EDA: variants seen among roughly 807,000 people sequenced by gnomAD.
EDA encodes ectodysplasin A.
EDA carries 2 observed loss-of-function variants against 23.6 expected under a neutral mutation model. The ratio of observed to expected loss-of-function variants is 0.08; its 90% CI spans 0.03 to 0.27. The LOEUF (loss-of-function observed/expected upper bound fraction) is 0.27, where lower values mean the gene tolerates loss of function less well. Ranked by LOEUF, EDA falls within the 10% of genes least tolerant of loss-of-function variation. The probability of loss-of-function intolerance (pLI) is 1.00; values close to 1 mark genes in which losing one functional copy is unlikely to be tolerated. For synonymous variants in EDA, 131 were observed against 132.0 expected (o/e 0.99, Z 0.05); for missense variants, 229 against 324.2 (o/e 0.71, Z 2.26).
intron 1 of EDA, among the ~76,000 whole-genome samples, chrX:69,815,681 C>G (rs748999018): frequency 2.7e-5 from 3 of 112,449 alleles, no homozygotes; most frequent in Non-Finnish European, 5.6e-5. Context: ...AATCTCTGAT[C>G]TCTCCCTGGG....
chrX:69,679,410 C>T (rs747282917), intron 1 of EDA, among the ~76,000 whole-genome samples: 1 of 111,141 alleles, frequency 9.0e-6, no homozygotes, highest in Admixed American at 9.5e-5. Context: ...CGAGTTCCTC[C>T]TCGTACCTCT....
intron 1 of EDA, among the ~76,000 whole-genome samples, chrX:69,769,948 A>G (rs2014579851): frequency 1.8e-5 from 2 of 111,423 alleles, no homozygotes; most frequent in East Asian, 5.6e-4. Context: ...CATAGCAATC[A>G]CTAATCTGTT....
At chrX:69,944,558 A>T (rs934669003) in intron 1 of EDA, among the ~76,000 whole-genome samples, 1 of 111,705 alleles carries the variant, frequency 9.0e-6, no homozygotes, top group African/African-American at 3.3e-5. Context: ...TGCAAGACAA[A>T]GTCCTCTTTA....
At chrX:69,638,665 A>G (rs1231294861) in intron 1 of EDA, among the ~76,000 whole-genome samples, 3 of 111,932 alleles carry the variant, frequency 2.7e-5, no homozygotes, top group Non-Finnish European at 5.6e-5. Context: ...GGTTAGTCTG[A>G]GCAGTAATTT....
chrX:69,716,167 C>T (rs1569306373), intron 1 of EDA, among the ~76,000 whole-genome samples: 1 of 111,640 alleles, frequency 9.0e-6, no homozygotes, highest in African/African-American at 3.3e-5. Context: ...AGTGGTATTG[C>T]CTAGATTTTC....
At chrX:69,700,913 TG>T (rs2011516965) in intron 1 of EDA, among the ~76,000 whole-genome samples, 1 of 110,161 alleles carries the variant, frequency 9.1e-6, no homozygotes. Context: ...TTTGAAAGGA[TG>T]TCTCTGCCTA....
chrX:70,005,241 A>G (rs890498459), intron 2 of EDA, among the ~76,000 whole-genome samples: 1 of 112,391 alleles, frequency 8.9e-6, no homozygotes, highest in Non-Finnish European at 1.9e-5. Context: ...TGATAGAATT[A>G]TGCCCATTTT....
At chrX:70,001,372 A>G (rs2019738104) in intron 2 of EDA, among the ~76,000 whole-genome samples, 1 of 97,274 alleles carries the variant, frequency 1.0e-5, no homozygotes, top group African/African-American at 4.3e-5. Context: ...GTGGTTCTCA[A>G]TGTAATCGCT....
intron 1 of EDA, among the ~76,000 whole-genome samples, chrX:69,741,521 A>T (rs1009716937): frequency 1.8e-5 from 2 of 111,478 alleles, no homozygotes; most frequent in African/African-American, 6.5e-5. Context: ...GCTCTATTTG[A>T]TGGTTTCTTT....
At chrX:69,651,310 T>C (rs1933096100) in intron 1 of EDA, among the ~76,000 whole-genome samples, 1 of 111,692 alleles carries the variant, frequency 9.0e-6, no homozygotes, top group Non-Finnish European at 1.9e-5. Flanking sequence ...AATCAAGAAG[T>C]GAAACTAGAA....
At chrX:69,790,271 T>A (rs193112592) in intron 1 of EDA, among the ~76,000 whole-genome samples, 1 of 110,905 alleles carries the variant, frequency 9.0e-6, no homozygotes, top group Admixed American at 9.6e-5. Flanking sequence ...ACGTGCAGGT[T>A]TGTTACATAT....
intron 1 of EDA, among the ~76,000 whole-genome samples, chrX:69,833,697 A>G (rs903647385): frequency 9.0e-6 from 1 of 111,009 alleles, no homozygotes; most frequent in South Asian, 3.9e-4. Flanking sequence ...TTGGTAGGCT[A>G]TTAATTATTG....
At chrX:69,808,093 AACCAAATTGTAC>A (rs1391019965) in intron 1 of EDA, among the ~76,000 whole-genome samples, 1 of 111,796 alleles carries the variant, frequency 8.9e-6, no homozygotes, top group African/African-American at 3.2e-5. Context: ...GAATACACCA[AACCAAATTGTAC>A]AGCCAGTGAC....
chrX:69,913,732 C>T (rs1287385013), intron 1 of EDA, among the ~76,000 whole-genome samples: 1 of 112,264 alleles, frequency 8.9e-6, no homozygotes, highest in Non-Finnish European at 1.9e-5. Context: ...TCTCGGCTTT[C>T]AACATGCCTT....
intron 1 of EDA, chrX:69,620,781 G>A: frequency 3.1e-6 from 1 of 325,646 alleles, no homozygotes; most frequent in Non-Finnish European, 5.9e-6. Flanking sequence ...TCTCCATAAT[G>A]CCTGACACAG....
intron 1 of EDA, among the ~76,000 whole-genome samples, chrX:69,709,673 T>C (rs1254234513): frequency 9.0e-6 from 1 of 111,249 alleles, no homozygotes; most frequent in Non-Finnish European, 1.9e-5. Context: ...TTCAGCATTA[T>C]TTTTTTCTCT....
At chrX:69,742,120 G>A (rs1013112390) in intron 1 of EDA, among the ~76,000 whole-genome samples, 1 of 111,719 alleles carries the variant, frequency 9.0e-6, no homozygotes, top group Non-Finnish European at 1.9e-5. Flanking sequence ...TGCCTTATGA[G>A]TGAGCTGAGA....
At chrX:69,936,583 G>A (rs1363143247) in intron 1 of EDA, among the ~76,000 whole-genome samples, 1 of 111,805 alleles carries the variant, frequency 8.9e-6, no homozygotes, top group Non-Finnish European at 1.9e-5. Flanking sequence ...GGTCAAAACC[G>A]AGTAAATGCT....
intron 1 of EDA, among the ~76,000 whole-genome samples, chrX:69,708,093 C>T (rs1395998611): frequency 9.0e-6 from 1 of 111,271 alleles, no homozygotes; most frequent in Non-Finnish European, 1.9e-5. Flanking sequence ...ACTTTGGATC[C>T]GACTTCCGAT....
Sources: allele counts gnomAD v4.1 joint callset (sites outside exome capture counted in the v4.1 genomes callset), GRCh38; gene constraint gnomAD v4.1.1; transcripts MANE v1.5; gene names NCBI Gene and HGNC (gene_info 2026-07-23, HGNC 2026-07-21).